WDR74: variants seen among roughly 807,000 people sequenced by gnomAD.
The protein encoded by WDR74 is WD repeat domain 74, also known as WD repeat-containing protein 74.
WDR74 carries 31 observed loss-of-function variants against 45.6 expected under a neutral mutation model. The observed-to-expected ratio is 0.68, with a 90% confidence interval of 0.51 to 0.92. WDR74 has a LOEUF of 0.92. Ranked by LOEUF, WDR74 falls within the 40% of genes least tolerant of loss-of-function variation. WDR74 has a pLI of 0.00. For synonymous variants in WDR74, 191 were observed against 192.4 expected, an observed-to-expected ratio of 0.99 and a Z score of 0.06; for missense variants, 455 against 497.2, an observed-to-expected ratio of 0.92 and a Z score of 0.81.
upstream of WDR74, among the ~76,000 whole-genome samples, chr11:62,841,350 A>G (rs1047453653): frequency 6.6e-6 from 1 of 152,132 alleles, no homozygotes; most frequent in Admixed American, 6.6e-5. Context: ...AATGGAAAAC[A>G]TTAGCCGGGG....
At chr11:62,838,507 C>A (rs2134895180) in intron 3 of WDR74, among the ~76,000 whole-genome samples, 1 of 151,730 alleles carries the variant, frequency 6.6e-6, no homozygotes, top group East Asian at 2.0e-4. Context: ...GCCTGTAATC[C>A]CAGCACTTTG....
intron 3 of WDR74, among the ~76,000 whole-genome samples, chr11:62,838,631 G>A (rs1590989909): frequency 1.3e-5 from 2 of 151,792 alleles, no homozygotes; most frequent in Admixed American, 6.6e-5. Flanking sequence ...GGTGGCAGAC[G>A]CCTGTAATCC....
At chr11:62,841,617 AG>A (rs1218658031), upstream of WDR74, 1 of 152,222 alleles carries the variant, frequency 6.6e-6, no homozygotes, top group Non-Finnish European at 1.5e-5. Context: ...CTCTCCCCGA[AG>A]GGAGAGTGCA....
chr11:62,833,076 G>A lies in WDR74; in HGVS notation c.1034C>T (p.Thr345Ile). ...CTCCAAGGATGCCCAAAGTTCATCT[G>A]TCTCTGTGTCTTCTAGGGGCACCTT... is the stretch of plus-strand genomic sequence containing the variant. ...PNKVPLEDTE[T>I]DELWASLEAA... is the part of the protein sequence containing the mutation. Residue 345 changes from threonine (T) to isoleucine (I), a missense_variant, in exon 11 of 11, where the codon ACA (threonine) becomes ATA (isoleucine). Coordinates refer to ENST00000278856, the MANE Select transcript of WDR74 (RefSeq NM_001369450.1). 6.2e-7 allele frequency: 1 copy of A among 1,612,342 alleles called. No homozygotes were observed. Among genetic ancestry groups the A allele is most frequent in the Non-Finnish European group, 8.5e-7 (1 of 1,179,268 alleles).
chr11:62,838,739 CA>C (rs1400047937), intron 3 of WDR74, among the ~76,000 whole-genome samples: 12 of 143,932 alleles, frequency 8.3e-5, no homozygotes, highest in Non-Finnish European at 1.8e-4. Flanking sequence ...GCCTGGGCAA[CA>C]AGAGCGAAAA....
rs2085012166 is a variant in WDR74 at position 62,839,403 on chromosome 11, C to T, written c.90G>A (p.Ala30=). ...LKGVNLQRKQ[A]ANFTAGGQPR... ...GCTGTCCTCCGGCCGTGAAGTTCGC[C>T]GCCTGTTTTCGCTGAAGATTTACCC... The change falls in exon 2 of 11, where the codon GCG becomes GCA. Residue 30 remains alanine, a synonymous_variant. Transcript: ENST00000278856. 2 of 1,613,214 alleles carry T rather than the reference C, an allele frequency of 1.2e-6. No homozygotes were observed. The highest frequency in any genetic ancestry group is 1.1e-5 in the South Asian group (1 of 91,088).
At chr11:62,839,006 T>C in intron 3 of WDR74, 108 bp downstream of exon 3, 1 of 1,511,014 alleles carries the variant, frequency 6.6e-7, no homozygotes, top group East Asian at 2.3e-5. Flanking sequence ...CTGTCACCCA[T>C]TCAAAGCCGT....
upstream of WDR74, chr11:62,839,638 C>G: frequency 2.0e-6 from 3 of 1,537,934 alleles, no homozygotes; most frequent in Non-Finnish European, 2.6e-6. Flanking sequence ...GGCGTCGAGT[C>G]CGATGCAGCG....
Position 62,833,678 on chromosome 11 carries a change from C to T in WDR74, c.922-4G>A. ...TCAATTGAGACTTGAGATAAACCTGCAAAAGATGAGGGACCTTAAGGAGCC... is the reference window on the plus strand; with the variant it reads ...TCAATTGAGACTTGAGATAAACCTGTAAAAGATGAGGGACCTTAAGGAGCC... On this transcript the variant is annotated splice_polypyrimidine_tract_variant and splice_region_variant and intron_variant, in intron 9 of 10. Coordinates refer to ENST00000278856, the MANE Select transcript of WDR74 (RefSeq NM_001369450.1). 6.4e-7 allele frequency: 1 copy of T among 1,558,848 alleles called. No individual in the cohort carries two copies. The highest frequency in any genetic ancestry group is 8.7e-7 in the Non-Finnish European group (1 of 1,150,962).
At chr11:62,838,784 AACACAC>A (rs994765438) in intron 3 of WDR74, among the ~76,000 whole-genome samples, 29 of 151,414 alleles carry the variant, frequency 1.9e-4, no homozygotes, top group Non-Finnish European at 3.8e-4. Flanking sequence ...ACAAAAAACA[AACACAC>A]ACACACACAA....
At chr11:62,841,684 T>A (rs572260144), upstream of WDR74, 1 of 151,956 alleles carries the variant, frequency 6.6e-6, no homozygotes, top group Non-Finnish European at 1.5e-5. Context: ...CGGAGCAAGC[T>A]CCTATTCCAT....
At chr11:62,833,212 C>G in intron 10 of WDR74, 81 bp from the exon 11 acceptor site, 7 of 1,450,994 alleles carry the variant, frequency 4.8e-6, no homozygotes, top group Non-Finnish European at 6.6e-6. Context: ...CTTTGGGAGA[C>G]CAAGGCAGGA....
chr11:62,833,746 G>A (rs889084630), intron 9 of WDR74, 46 bp downstream of exon 9: 15 of 1,604,676 alleles, frequency 9.3e-6, no homozygotes, highest in South Asian at 1.1e-5. Flanking sequence ...CACAGGAGGC[G>A]GGGCCTCCAC....
chr11:62,833,296 T>TA (rs1048706100), intron 10 of WDR74, among the ~76,000 whole-genome samples, 165 bp from the exon 11 acceptor site: 2,233 of 50,842 alleles, frequency 0.044, 119 homozygotes, highest in Admixed American at 0.19. Context: ...AAAAGAAGTT[T>TA]AAAAAAAAAA....
chr11:62,839,857 T>C (rs2085022062), upstream of WDR74: 6 of 496,658 alleles, frequency 1.2e-5, 1 homozygote, highest in South Asian at 1.6e-4. Context: ...TTATGTAATA[T>C]GTGTTCTGGA....
chr11:62,835,640 T>C (rs1254891489), intron 5 of WDR74, 55 bp downstream of exon 5: 2 of 1,613,834 alleles, frequency 1.2e-6, no homozygotes, highest in Admixed American at 3.3e-5. Context: ...GCATCGTCAG[T>C]GGCCTCAGCC....
chr11:62,840,835 G>T (rs955968402), upstream of WDR74, among the ~76,000 whole-genome samples: 1 of 152,140 alleles, frequency 6.6e-6, no homozygotes, highest in Non-Finnish European at 1.5e-5. Context: ...CCAACCTCCC[G>T]AAGTGCTAGG....
chr11:62,834,207 C>A (rs2084923385), intron 8 of WDR74, 69 bp downstream of exon 8: 1 of 1,607,956 alleles, frequency 6.2e-7, no homozygotes, highest in Admixed American at 1.7e-5. Flanking sequence ...CCCACTGCAC[C>A]ACCTTAGAGG....
chr11:62,835,727 C>A lies in WDR74; in HGVS notation c.484G>T (p.Gly162Cys). 1.2e-6 allele frequency: 2 copies of A among 1,613,946 alleles called. No individual in the cohort carries two copies. Among genetic ancestry groups the A allele is most frequent in the East Asian group, 2.2e-5 (1 of 44,888 alleles). The change falls in exon 5 of 11, where the codon GGC becomes TGC. Residue 162 changes from glycine to cysteine, a missense_variant. By Grantham distance (159) the Gly-to-Cys change is radical. Coordinates refer to ENST00000278856, the MANE Select transcript of WDR74 (RefSeq NM_001369450.1). ...ENALKIWDLQ[G>C]SEEPVFRAKN... is the part of the protein sequence containing the mutation. ...GCCCTGAACACAGGTTCCTCAGAGC[C>A]CTGCAGGTCCCATATCTTCAAAGCA... is the stretch of plus-strand genomic sequence containing the variant.
Sources: gnomAD v4.1 joint callset for allele counts (sites outside exome capture counted in the v4.1 genomes callset) on GRCh38, gnomAD v4.1.1 for gene constraint, MANE v1.5 for transcripts, NCBI Gene and HGNC (gene_info 2026-07-23, HGNC 2026-07-21) for gene names.